FOXN3: variants seen among roughly 807,000 people sequenced by gnomAD.
The protein encoded by FOXN3 is forkhead box protein N3.
Under a neutral mutation model 38.4 loss-of-function variants are expected in FOXN3, and 7 were observed. The ratio of observed to expected loss-of-function variants is 0.18; its 90% CI spans 0.10 to 0.34. FOXN3 has a LOEUF of 0.34. FOXN3 is among the 10% of genes least tolerant of loss of function. The pLI, the probability that FOXN3 is intolerant of heterozygous loss-of-function variation, is 1.00. For synonymous variants in FOXN3, 230 were observed against 242.2 expected (o/e 0.95, Z 0.47); for missense variants, 456 against 613.4 (o/e 0.74, Z 2.71).
At chr14:89,373,109 T>G (rs1022894790) in intron 2 of FOXN3, among the ~76,000 whole-genome samples, 2 of 152,116 alleles carry the variant, frequency 1.3e-5, no homozygotes, top group Non-Finnish European at 2.9e-5. Flanking sequence ...GAGGCTACAG[T>G]GAGCCATGAC....
At chr14:89,239,363 AGATTTCTTGGAGG>A (rs1198312199) in intron 4 of FOXN3, among the ~76,000 whole-genome samples, 1 of 152,188 alleles carries the variant, frequency 6.6e-6, no homozygotes, top group African/African-American at 2.4e-5. Flanking sequence ...TCTGTCCCTC[AGATTTCTTGGAGG>A]GGGGAGGAGC....
chr14:89,179,844 C>A (rs1887617597), intron 5 of FOXN3, among the ~76,000 whole-genome samples: 1 of 152,206 alleles, frequency 6.6e-6, no homozygotes, highest in Admixed American at 6.5e-5. Flanking sequence ...GGAATCTATG[C>A]AGACAAAACT....
At chr14:89,567,923 C>G (rs191132089) in intron 1 of FOXN3, among the ~76,000 whole-genome samples, 1 of 151,786 alleles carries the variant, frequency 6.6e-6, no homozygotes, top group African/African-American at 2.4e-5. Context: ...GGGGTTTCAC[C>G]GTGTTAGCCA....
In FOXN3 at chr14:89,160,976, C is replaced by T. The variant is rs1451134489; in HGVS notation, c.*1438G>A. 2 of 151,848 alleles carry T rather than the reference C, an allele frequency of 1.3e-5. No homozygotes were observed. Among genetic ancestry groups the T allele is most frequent in the Admixed American group, 1.3e-4 (2 of 15,272 alleles). The allele number at this position is 151,848 out of a possible 1,614,324, so 9.4% of individuals were successfully genotyped here. A position where few individuals can be genotyped will look rare whatever the true frequency, so the allele number is the denominator to read the frequency against. On this transcript the variant is annotated 3_prime_UTR_variant, in exon 6 of 6. Coordinates refer to ENST00000557258, the MANE Select transcript of FOXN3 (RefSeq NM_005197.4). Reference sequence around the variant, plus strand: ...GAAAAAAGAAGAAAACCAAAAGAAACTCTAAGCCTAAGGGCTTAAAAATTA... The same window carrying T: ...GAAAAAAGAAGAAAACCAAAAGAAATTCTAAGCCTAAGGGCTTAAAAATTA...
intron 1 of FOXN3, among the ~76,000 whole-genome samples, chr14:89,491,044 G>A (rs978221775): frequency 3.9e-5 from 6 of 151,984 alleles, no homozygotes; most frequent in Non-Finnish European, 8.8e-5. Context: ...GCACGATCTC[G>A]GCTCACCACA....
intron 5 of FOXN3, among the ~76,000 whole-genome samples, chr14:89,170,318 A>G (rs1887355542): frequency 6.6e-6 from 1 of 152,248 alleles, no homozygotes; most frequent in African/African-American, 2.4e-5. Flanking sequence ...GCTGACACGC[A>G]CACACACACA....
At chr14:89,402,625 T>C (rs1312542223) in intron 2 of FOXN3, among the ~76,000 whole-genome samples, 1 of 152,204 alleles carries the variant, frequency 6.6e-6, no homozygotes, top group Admixed American at 6.5e-5. Context: ...GGAAAGCCCC[T>C]TAAAACCAGA....
intron 3 of FOXN3, among the ~76,000 whole-genome samples, chr14:89,327,755 T>TA (rs1888122167): frequency 1.3e-5 from 2 of 152,284 alleles, no homozygotes; most frequent in East Asian, 3.9e-4. Context: ...TTTAAAAACT[T>TA]ACAATAAATC....
chr14:89,472,691 A>G (rs1893128695), intron 1 of FOXN3, among the ~76,000 whole-genome samples: 1 of 147,582 alleles, frequency 6.8e-6, no homozygotes, highest in Non-Finnish European at 1.5e-5. Context: ...ACTGCACTCC[A>G]GCCTGGGTGA....
intron 1 of FOXN3, among the ~76,000 whole-genome samples, chr14:89,416,539 G>T (rs1017792537): frequency 1.3e-5 from 2 of 152,098 alleles, no homozygotes; most frequent in African/African-American, 4.8e-5. Context: ...TCATCTTGGG[G>T]TCTCCACTTG....
At chr14:89,496,327 T>C (rs757319054) in intron 1 of FOXN3, among the ~76,000 whole-genome samples, 7 of 151,952 alleles carry the variant, frequency 4.6e-5, no homozygotes, top group Non-Finnish European at 1.0e-4. Flanking sequence ...AGGCAAATCC[T>C]CCTCTTTGAC....
chr14:89,321,897 T>G (rs1348555423), intron 3 of FOXN3, among the ~76,000 whole-genome samples: 1 of 152,094 alleles, frequency 6.6e-6, no homozygotes, highest in African/African-American at 2.4e-5. Context: ...GATCTACCAC[T>G]CCAGACCCTC....
At chr14:89,581,778 G>A (rs1895745421) in intron 1 of FOXN3, among the ~76,000 whole-genome samples, 1 of 152,196 alleles carries the variant, frequency 6.6e-6, no homozygotes, top group African/African-American at 2.4e-5. Context: ...TAGAGTCAGA[G>A]AAGCCTAGCA....
chr14:89,348,321 C>T (rs911154367), intron 3 of FOXN3, among the ~76,000 whole-genome samples: 12 of 152,044 alleles, frequency 7.9e-5, no homozygotes, highest in Non-Finnish European at 1.2e-4. Context: ...TTTAATGACT[C>T]GGTGTTTCAC....
At chr14:89,401,702 C>G in intron 2 of FOXN3, 1 of 455,156 alleles carries the variant, frequency 2.2e-6, no homozygotes, top group South Asian at 1.6e-5. Context: ...ACATGTTCTG[C>G]TAGGTGGGTG....
chr14:89,162,717 G>A lies in FOXN3; in HGVS notation c.1104C>T (p.Pro368=). 6.2e-7 allele frequency: 1 copy of A among 1,613,988 alleles called. No individual in the cohort carries two copies. Among genetic ancestry groups the A allele is most frequent in the South Asian group, 1.1e-5 (1 of 91,068 alleles). ...TCCTGTCGTCCTCTTCCGTGTCGCT[G>A]GGGCTCTCGTGGCTCCGGAAGCTCC... ...SEGSFRSHES[P]SDTEEDDRKH... is the part of the protein sequence containing the mutation. The change falls in exon 6 of 6, where the codon CCC becomes CCT. Residue 368 remains proline, a synonymous_variant. Transcript: ENST00000557258. The surrounding 1 kb of genome is among the most constrained non-coding windows in gnomAD (Gnocchi z 7.2).
chr14:89,228,539 G>A (rs576573296), intron 4 of FOXN3, among the ~76,000 whole-genome samples: 1 of 152,240 alleles, frequency 6.6e-6, no homozygotes, highest in African/African-American at 2.4e-5. Flanking sequence ...TTTTAATATT[G>A]TACCATATTC....
intron 1 of FOXN3, among the ~76,000 whole-genome samples, chr14:89,522,907 A>T (rs1284393045): frequency 6.6e-6 from 1 of 151,930 alleles, no homozygotes; most frequent in African/African-American, 2.4e-5. Flanking sequence ...CCCCAATTAA[A>T]AACACAGACT....
chr14:89,557,432 T>C (rs4904588), intron 1 of FOXN3, among the ~76,000 whole-genome samples: 113,655 of 152,046 alleles, frequency 0.75, 47,316 homozygotes, highest in Non-Finnish European at 0.94. Context: ...TTCAGCACGA[T>C]CCTTGAACAG....
Sources: allele counts gnomAD v4.1 joint callset (sites outside exome capture counted in the v4.1 genomes callset), GRCh38; gene constraint gnomAD v4.1.1; non-coding constraint Gnocchi (gnomAD v3.1); transcripts MANE v1.5; gene names NCBI Gene and HGNC (gene_info 2026-07-23, HGNC 2026-07-21).